Variants in VPS13A observed in about 807,000 individuals in gnomAD.
VPS13A encodes the protein intermembrane lipid transfer protein VPS13A.
Under a neutral mutation model 390.9 loss-of-function variants are expected in VPS13A, and 264 were observed. The ratio of observed to expected loss-of-function variants is 0.68; its 90% confidence interval spans 0.61 to 0.75. The LOEUF is 0.75. Ranked by LOEUF, VPS13A falls within the 30% of genes least tolerant of loss-of-function variation. VPS13A has a pLI of 0.00. For missense variants in VPS13A, 3,409 were observed against 3,733.9 expected, an observed-to-expected ratio of 0.91 and a Z score of 2.27; for synonymous variants, 1,231 against 1,227.1, an observed-to-expected ratio of 1.00 and a Z score of -0.07.
chr9:77,269,336 T>C (rs1306282929), intron 23 of VPS13A, among the ~76,000 whole-genome samples: 4 of 152,228 alleles, frequency 2.6e-5, no homozygotes, highest in African/African-American at 9.6e-5. Context: ...CTTTTACTAT[T>C]GAGTTGACTA....
In VPS13A at chr9:77,321,476, A is replaced by T. The variant is rs1564727116; in HGVS notation, c.5575-15A>T. 4 of 1,612,750 alleles carry T rather than the reference A, an allele frequency of 2.5e-6. No individual in the cohort carries two copies. In the African/African-American group the frequency reaches 5.3e-5, roughly 22 times the overall value. ...TACACATTTCATTTTATTTAGCATA[A>T]CTCTTTCTTATTAGGCATTTACAGA... On this transcript the variant is annotated splice_polypyrimidine_tract_variant and intron_variant, in intron 43 of 71. Transcript: ENST00000360280.
At chr9:77,359,615 C>G (rs915429111) in intron 58 of VPS13A, among the ~76,000 whole-genome samples, 1 of 152,018 alleles carries the variant, frequency 6.6e-6, no homozygotes, top group Admixed American at 6.6e-5. Flanking sequence ...GTCGGGAGTT[C>G]GAGACCAACC....
chr9:77,411,086 C>G lies in VPS13A; in HGVS notation c.9474+3479C>G, dbSNP rs866351066. ...AAAAGAACAGAAATTATAACAAACT[C>G]TCTCTCAGACCATAGTGCAATCAAA... On this transcript the variant is annotated intron_variant, in intron 71 of 71. Coordinates refer to ENST00000360280, the MANE Select transcript of VPS13A (RefSeq NM_033305.3). 1.2e-4 allele frequency among the ~76,000 whole-genome samples: 19 copies of G among 152,258 alleles called. No homozygotes were observed. The East Asian group carries it at 2.1e-3, about 17-fold the overall frequency.
At chr9:77,411,354 C>T (rs892642502) in intron 71 of VPS13A, among the ~76,000 whole-genome samples, 3 of 152,010 alleles carry the variant, frequency 2.0e-5, no homozygotes, top group Non-Finnish European at 4.4e-5. Context: ...CTAAAATTGA[C>T]ACCCTAACAT....
chr9:77,253,936 C>CTTTT lies in VPS13A; in HGVS notation c.2288+1607_2288+1610dup, dbSNP rs1172781069. ...TATAGGATAAGGACCGGCCTTTATT[C>CTTTT]TTTTTTTTTTTTTTTTTTTTTTTTT... On this transcript the variant is annotated intron_variant, in intron 22 of 71. Transcript: ENST00000360280. Among the ~76,000 whole-genome samples the CTTTT allele has an allele frequency of 1.3e-3, 73 of 55,062 alleles. 9 individuals carry two copies. The highest frequency in any genetic ancestry group is 4.1e-3 in the African/African-American group (60 of 14,496). The allele number at this position is 55,062 out of a possible 152,430, so 36.1% of individuals were successfully genotyped here.
intron 52 of VPS13A, among the ~76,000 whole-genome samples, chr9:77,346,765 T>A (rs1831180016): frequency 6.6e-6 from 1 of 152,198 alleles, no homozygotes; most frequent in Non-Finnish European, 1.5e-5. Flanking sequence ...CCAGTACCAT[T>A]TGAATAGGAG....
chr9:77,179,004 G>C (rs1306245069), intron 1 of VPS13A, among the ~76,000 whole-genome samples: 1 of 152,166 alleles, frequency 6.6e-6, no homozygotes, highest in Non-Finnish European at 1.5e-5. Flanking sequence ...GACTACAAAA[G>C]CTAGGGATAT....
intron 23 of VPS13A, among the ~76,000 whole-genome samples, chr9:77,265,980 A>G (rs147863548): frequency 0.018 from 2,724 of 152,284 alleles, 109 homozygotes; most frequent in East Asian, 0.12. Flanking sequence ...GCTGTGTCCC[A>G]GAGATTCTGG....
chr9:77,275,364 A>T, intron 24 of VPS13A, 134 bp from the exon 25 acceptor site: 1 of 843,914 alleles, frequency 1.2e-6, no homozygotes, highest in Non-Finnish European at 1.9e-6. Context: ...TTTTCTGTTT[A>T]TTTCGGTTCT....
At chr9:77,232,339 A>G (rs931960320) in intron 17 of VPS13A, among the ~76,000 whole-genome samples, 1 of 152,182 alleles carries the variant, frequency 6.6e-6, no homozygotes, top group Non-Finnish European at 1.5e-5. Context: ...TTCAGTATGT[A>G]GATTGCTTTT....
At chr9:77,207,213 TTA>T (rs61703004) in intron 5 of VPS13A, among the ~76,000 whole-genome samples, 1,883 of 43,024 alleles carry the variant, frequency 0.044, 58 homozygotes, top group African/African-American at 0.09. Flanking sequence ...TATTTAGATA[TTA>T]TATATATATA....
At chr9:77,365,254 G>T (rs1329295129) in intron 59 of VPS13A, among the ~76,000 whole-genome samples, 1 of 152,188 alleles carries the variant, frequency 6.6e-6, no homozygotes, top group African/African-American at 2.4e-5. Flanking sequence ...GGTTTGGATA[G>T]AAATATAGAA....
intron 3 of VPS13A, 117 bp downstream of exon 3, chr9:77,201,524 C>G: frequency 1.0e-6 from 1 of 974,070 alleles, no homozygotes; most frequent in African/African-American, 1.6e-5. Flanking sequence ...TAAAAATAAT[C>G]ATGTGTTTTT....
intron 51 of VPS13A, 117 bp from the exon 52 acceptor site, chr9:77,344,892 T>G: frequency 1.7e-6 from 2 of 1,152,370 alleles, no homozygotes; most frequent in Non-Finnish European, 2.5e-6. Flanking sequence ...TGAATTGTTT[T>G]CTCAGTCATC....
chr9:77,210,585 C>G (rs1162501974), intron 6 of VPS13A, 31 bp from the exon 7 acceptor site: 1 of 1,606,100 alleles, frequency 6.2e-7, no homozygotes, highest in South Asian at 1.1e-5. Context: ...TACTAAAAAT[C>G]TGAATAAATT....
rs151207501 is a variant in VPS13A, at chr9:77,359,164, G to A, written c.8036-169G>A. On this transcript the variant is annotated intron_variant, in intron 57 of 71. Coordinates refer to ENST00000360280, the MANE Select transcript of VPS13A (RefSeq NM_033305.3). ...AACTATAGATAGTTTTAAAAACAAT[G>A]CTAGAGTCTGAAATTAAGATTGTAG... Among the ~76,000 whole-genome samples, 264 of 152,302 alleles carry A rather than the reference G, an allele frequency of 1.7e-3. 2 individuals are homozygous for A. Among genetic ancestry groups the A allele is most frequent in the African/African-American group, 5.7e-3 (239 of 41,570 alleles).
chr9:77,214,798 A>G (rs1028894528), intron 10 of VPS13A, among the ~76,000 whole-genome samples: 3 of 152,170 alleles, frequency 2.0e-5, no homozygotes, highest in African/African-American at 4.8e-5. Context: ...ATGTTTTCCT[A>G]ATTTTCCAAA....
At chr9:77,244,381 A>G (rs978225211) in intron 19 of VPS13A, among the ~76,000 whole-genome samples, 1 of 152,080 alleles carries the variant, frequency 6.6e-6, no homozygotes, top group African/African-American at 2.4e-5. Flanking sequence ...ATTGAATGGT[A>G]GAAAAGCCAT....
intron 50 of VPS13A, among the ~76,000 whole-genome samples, chr9:77,342,666 A>T (rs749751190): frequency 1.3e-5 from 2 of 152,204 alleles, no homozygotes; most frequent in Non-Finnish European, 2.9e-5. Flanking sequence ...AATGAATTTT[A>T]TGTTTAGAGT....
Sources: allele counts gnomAD v4.1 joint callset (sites outside exome capture counted in the v4.1 genomes callset), GRCh38; gene constraint gnomAD v4.1.1; transcripts MANE v1.5; gene names NCBI Gene and HGNC (gene_info 2026-07-23, HGNC 2026-07-21).